TMEM117: variants seen among roughly 807,000 people sequenced by gnomAD.
The protein encoded by TMEM117 is transmembrane protein 117.
In TMEM117, 27 loss-of-function variants were observed where a neutral mutation model predicts 52.4. The observed-to-expected ratio is 0.51, with a 90% CI of 0.38 to 0.71. The LOEUF (loss-of-function observed/expected upper bound fraction) is 0.71. Among genes scored for constraint, TMEM117 ranks in the 30% least tolerant of loss-of-function variants. The probability of loss-of-function intolerance (pLI) is 0.00; values close to 1 mark genes in which losing one functional copy is unlikely to be tolerated. For synonymous variants in TMEM117, 215 were observed against 206.3 expected (o/e 1.04, Z -0.36); for missense variants, 556 against 630.5 (o/e 0.88, Z 1.26).
chr12:43,966,874 T>C (rs1307409223), intron 3 of TMEM117, among the ~76,000 whole-genome samples: 2 of 152,140 alleles, frequency 1.3e-5, no homozygotes, highest in African/African-American at 4.8e-5. Context: ...TTAAGAAAAT[T>C]AAAATGAACT....
intron 4 of TMEM117, among the ~76,000 whole-genome samples, chr12:44,153,469 G>C (rs1046038475): frequency 6.6e-6 from 1 of 152,020 alleles, no homozygotes; most frequent in Non-Finnish European, 1.5e-5. Context: ...TGGGGGAAGT[G>C]AGTATATTTT....
chr12:44,236,860 C>T (rs559194800), intron 5 of TMEM117, among the ~76,000 whole-genome samples: 10 of 152,078 alleles, frequency 6.6e-5, no homozygotes, highest in Admixed American at 3.3e-4. Flanking sequence ...TGGGAGTTCA[C>T]GCAAGGGCCA....
At chr12:44,246,580 G>A (rs1295241082) in intron 5 of TMEM117, among the ~76,000 whole-genome samples, 3 of 152,164 alleles carry the variant, frequency 2.0e-5, no homozygotes, top group Non-Finnish European at 4.4e-5. Flanking sequence ...TTAAGTGACA[G>A]CAATATATGT....
chr12:44,311,938 C>T lies in TMEM117; in HGVS notation c.768+12199C>T, dbSNP rs556098140. Among the ~76,000 whole-genome samples the T allele has an allele frequency of 4.1e-5, 6 of 147,402 alleles. No individual in the cohort carries two copies. The South Asian group carries it at 1.3e-3, about 32-fold the overall frequency. Reference sequence around the variant, plus strand: ...GTATATATATATATATATTTTTCCTCCCATTCTTTTGGCATTTGATGGCCA... The same window carrying T: ...GTATATATATATATATATTTTTCCTTCCATTCTTTTGGCATTTGATGGCCA... On this transcript the variant is annotated intron_variant, in intron 6 of 7. Transcript: ENST00000266534.
chr12:44,059,454 G>T (rs1005359845), intron 3 of TMEM117, among the ~76,000 whole-genome samples: 8 of 152,168 alleles, frequency 5.3e-5, no homozygotes, highest in African/African-American at 1.9e-4. Context: ...ATTTGCTGTA[G>T]CAGATGTATT....
At chr12:44,152,347 T>C (rs1217682316) in intron 4 of TMEM117, among the ~76,000 whole-genome samples, 1 of 110,720 alleles carries the variant, frequency 9.0e-6, no homozygotes, top group Non-Finnish European at 1.6e-5. Context: ...TATATAAATT[T>C]ATATATTTAT....
chr12:44,260,286 C>T (rs1950306031), intron 5 of TMEM117, among the ~76,000 whole-genome samples: 1 of 152,192 alleles, frequency 6.6e-6, no homozygotes, highest in Non-Finnish European at 1.5e-5. Flanking sequence ...GTCTTACAGA[C>T]TCACTTGTGA....
intron 6 of TMEM117, among the ~76,000 whole-genome samples, chr12:44,312,235 A>T (rs75023701): frequency 0.048 from 7,282 of 151,694 alleles, 364 homozygotes; most frequent in African/African-American, 0.12. Context: ...CAATAAGTAG[A>T]TTTTCAGTTT....
intron 7 of TMEM117, among the ~76,000 whole-genome samples, chr12:44,382,334 T>C (rs911842967): frequency 3.9e-5 from 6 of 152,192 alleles, no homozygotes; most frequent in Non-Finnish European, 8.8e-5. Context: ...CCTTGAAACA[T>C]GAACATTTTG....
intron 3 of TMEM117, among the ~76,000 whole-genome samples, chr12:44,018,349 T>C (rs975552586): frequency 6.6e-6 from 1 of 152,212 alleles, no homozygotes; most frequent in African/African-American, 2.4e-5. Flanking sequence ...TAATGATATG[T>C]ATGCTTTAAG....
chr12:44,107,781 A>G (rs1032943858), intron 3 of TMEM117, among the ~76,000 whole-genome samples: 1 of 152,232 alleles, frequency 6.6e-6, no homozygotes, highest in Admixed American at 6.5e-5. Flanking sequence ...ACTTTTCAGA[A>G]AGCAACTTTG....
At chr12:44,278,593 A>G (rs901350261) in intron 5 of TMEM117, among the ~76,000 whole-genome samples, 3 of 152,230 alleles carry the variant, frequency 2.0e-5, no homozygotes, top group African/African-American at 7.2e-5. Context: ...GACAGAATCC[A>G]TCCTGAAAAG....
chr12:44,384,334 C>G (rs2138868315), intron 7 of TMEM117, among the ~76,000 whole-genome samples: 1 of 152,250 alleles, frequency 6.6e-6, no homozygotes, highest in African/African-American at 2.4e-5. Flanking sequence ...GAGAAGGACA[C>G]TGCTGCATGC....
chr12:44,062,853 G>A (rs535238256), intron 3 of TMEM117, among the ~76,000 whole-genome samples: 2 of 152,340 alleles, frequency 1.3e-5, no homozygotes, highest in Admixed American at 1.3e-4. Context: ...AGTGATCACT[G>A]AAATGGAAAG....
intron 1 of TMEM117, among the ~76,000 whole-genome samples, chr12:43,840,741 A>G (rs1017902760): frequency 1.3e-5 from 2 of 152,228 alleles, no homozygotes; most frequent in African/African-American, 2.4e-5. Context: ...TAATTTCACT[A>G]TAGTGAGCCA....
chr12:44,272,504 A>G (rs1950459118), intron 5 of TMEM117, among the ~76,000 whole-genome samples: 1 of 152,198 alleles, frequency 6.6e-6, no homozygotes, highest in Non-Finnish European at 1.5e-5. Flanking sequence ...TAGAATCTAC[A>G]AAGAACTCAA....
In TMEM117 at chr12:44,178,533, A is replaced by C. The variant is rs114349231; in HGVS notation, c.511-32757A>C. Among the ~76,000 whole-genome samples the C allele has an allele frequency of 4.9e-3, 750 of 152,314 alleles. 4 individuals are homozygous for C. Among genetic ancestry groups the C allele is most frequent in the African/African-American group, 0.017 (687 of 41,568 alleles). ...ATTGATTGATATGTTAAACCTCAGC[A>C]TTCCCGCTAGGTGGGCATCATTTCA... On this transcript the variant is annotated intron_variant, in intron 4 of 7. Transcript: ENST00000266534.
At chr12:44,129,500 T>C (rs1173280928) in intron 3 of TMEM117, among the ~76,000 whole-genome samples, 1 of 152,154 alleles carries the variant, frequency 6.6e-6, no homozygotes, top group Non-Finnish European at 1.5e-5. Flanking sequence ...TCAGTAACTT[T>C]CTTATCTTAA....
chr12:44,261,926 TG>T (rs1389440188), intron 5 of TMEM117, among the ~76,000 whole-genome samples: 2 of 152,194 alleles, frequency 1.3e-5, no homozygotes, highest in Non-Finnish European at 2.9e-5. Flanking sequence ...GATTTGGGTA[TG>T]AATTACAAGT....
Sources: allele counts gnomAD v4.1 joint callset (sites outside exome capture counted in the v4.1 genomes callset), GRCh38; gene constraint gnomAD v4.1.1; transcripts MANE v1.5; gene names NCBI Gene and HGNC (gene_info 2026-07-23, HGNC 2026-07-21).